GATA4: variants seen among roughly 807,000 people sequenced by gnomAD.
The protein encoded by GATA4 is GATA binding protein 4, also known as transcription factor GATA-4.
Under a neutral mutation model 37.9 loss-of-function variants are expected in GATA4, and 7 were observed. That is an observed-to-expected ratio of 0.18 (90% CI 0.11 to 0.35). GATA4 has a LOEUF of 0.35. Ranked by LOEUF, GATA4 falls within the 10% of genes least tolerant of loss-of-function variation. The pLI, the probability that GATA4 is intolerant of heterozygous loss-of-function variation, is 1.00. For missense variants in GATA4, 647 were observed against 653.0 expected (o/e 0.99, Z 0.10); for synonymous variants, 372 against 292.6 (o/e 1.27, Z -2.77).
At chr8:11,745,513 G>T (rs1184954649) in intron 2 of GATA4, among the ~76,000 whole-genome samples, 1 of 151,966 alleles carries the variant, frequency 6.6e-6, no homozygotes, top group Non-Finnish European at 1.5e-5. Context: ...TTGAGCCTAG[G>T]AGGTTGAGGC....
Position 11,709,565 on chromosome 8 carries a change from A to C in GATA4, c.616+637A>C, listed in dbSNP as rs1227030579. On this transcript the variant is annotated intron_variant, in intron 2 of 6. Coordinates refer to ENST00000532059, the MANE Select transcript of GATA4 (RefSeq NM_001308093.3). This position sits in a 1 kb window ranked among gnomAD's most constrained non-coding sequence, Gnocchi z 4.3. ...ACCCGGCCGAGCGCGTGGGCGCATC[A>C]TGCGGGCAGCGGGGGGGGGGGCGCA... Among the ~76,000 whole-genome samples, 2 of 90,140 alleles carry C rather than the reference A, an allele frequency of 2.2e-5. No individual in the cohort carries two copies. Among genetic ancestry groups the C allele is most frequent in the Middle Eastern group, 4.8e-3 (1 of 210 alleles). 59.1% of individuals were successfully genotyped at this position (90,140 alleles called of 152,430 possible). A position where few individuals can be genotyped will look rare whatever the true frequency, so the allele number is the denominator to read the frequency against.
intron 6 of GATA4, 22 bp from the exon 7 acceptor site, chr8:11,758,271 T>A: frequency 1.2e-6 from 2 of 1,613,880 alleles, no homozygotes; most frequent in South Asian, 2.2e-5. Context: ...ATGGGCCTCA[T>A]CGTGTGCTTT....
upstream of GATA4, among the ~76,000 whole-genome samples, chr8:11,701,915 A>G (rs1359201188): frequency 6.6e-6 from 1 of 152,066 alleles, no homozygotes; most frequent in Non-Finnish European, 1.5e-5. Flanking sequence ...GGCTCAGGTA[A>G]TCTGGGGTTC....
At chr8:11,693,118 TCTGTTAACGA>T (rs915650703) in intron 1 of GATA4, 2 of 966,060 alleles carry the variant, frequency 2.1e-6, no homozygotes, top group African/African-American at 3.5e-5. Context: ...AATCCCAGTG[TCTGTTAACGA>T]TGTGGTGTTC....
chr8:11,680,641 G>T (rs1424039710), intron 1 of GATA4: 1 of 985,288 alleles, frequency 1.0e-6, no homozygotes, highest in African/African-American at 1.7e-5. Context: ...GCCTGGCGCT[G>T]CTGGGAACGT....
At position 11,758,343 on chromosome 8, in the gene GATA4, C is replaced by T. The variant is rs778818575; in HGVS notation, c.1200C>T (p.Val400=). 1 of 1,614,220 alleles carries T rather than the reference C, an allele frequency of 6.2e-7. No individual in the cohort carries two copies. Among genetic ancestry groups the T allele is most frequent in the African/African-American group, 1.3e-5 (1 of 75,064 alleles). The change falls in exon 7 of 7, where the codon GTC becomes GTT. Residue 400 remains valine (V), a synonymous_variant. Transcript: ENST00000532059. ...MSGHGPSIHP[V]LSALKLSPQG... The stretch of plus-strand genomic sequence containing the variant: ...GCCATGGGCCCTCCATCCACCCTGT[C>T]CTCTCGGCCCTGAAGCTCTCCCCAC...
chr8:11,692,545 A>T (rs1369315696), upstream of GATA4: 1 of 985,462 alleles, frequency 1.0e-6, no homozygotes, highest in African/African-American at 1.7e-5. Context: ...ATCTAGATTG[A>T]ATCTGATCCT....
upstream of GATA4, among the ~76,000 whole-genome samples, chr8:11,703,056 G>C (rs1207818033): frequency 6.6e-6 from 1 of 152,160 alleles, no homozygotes; most frequent in African/African-American, 2.4e-5. Context: ...TACGGAAGCG[G>C]GTGGCGTTCC....
chr8:11,758,582 C>A lies in GATA4; in HGVS notation c.*107C>A. Reference sequence around the variant, plus strand: ...GCCGGCCTCCTCTGCCTGGTAATGACTCCAGAACAACAACTGGGAAGAAAC... The same window carrying A: ...GCCGGCCTCCTCTGCCTGGTAATGAATCCAGAACAACAACTGGGAAGAAAC... On this transcript the variant is annotated 3_prime_UTR_variant, in exon 7 of 7. Transcript: ENST00000532059. 1 of 1,066,548 alleles carries A rather than the reference C, an allele frequency of 9.4e-7. No homozygotes were observed. The highest frequency in any genetic ancestry group is 1.4e-6 in the Non-Finnish European group (1 of 692,282). 66.1% of individuals were successfully genotyped at this position (1,066,548 alleles called of 1,614,324 possible).
chr8:11,693,560 C>CAGAGAGAGAGAGAGAGAGAGAG (rs1285850308), intron 1 of GATA4, among the ~76,000 whole-genome samples: 1 of 68,822 alleles, frequency 1.5e-5, no homozygotes, highest in Non-Finnish European at 3.1e-5. Flanking sequence ...CACACACACA[C>CAGAGAGAGAGAGAGAGAGAGAG]ACAGAGAGAG....
At chr8:11,755,165 G>A (rs1802493194) in intron 5 of GATA4, 32 bp downstream of exon 5, 2 of 1,553,260 alleles carry the variant, frequency 1.3e-6, no homozygotes, top group African/African-American at 1.4e-5. Context: ...GATTATATGA[G>A]TACATCAGGA....
chr8:11,688,830 C>T (rs78645806), upstream of GATA4, among the ~76,000 whole-genome samples: 3,594 of 152,286 alleles, frequency 0.024, 90 homozygotes, highest in East Asian at 0.11. Flanking sequence ...CCCAAATCCC[C>T]TGAAGCACAA....
intron 2 of GATA4, among the ~76,000 whole-genome samples, chr8:11,747,239 T>C (rs1162303252): frequency 6.6e-6 from 1 of 152,184 alleles, no homozygotes; most frequent in Non-Finnish European, 1.5e-5. Flanking sequence ...GAGAGACTTC[T>C]GGAGATGGTG....
intron 2 of GATA4, among the ~76,000 whole-genome samples, chr8:11,748,173 G>C (rs893180185): frequency 6.6e-6 from 1 of 152,178 alleles, no homozygotes; most frequent in African/African-American, 2.4e-5. Context: ...AGCTGAGATC[G>C]CACCATTGCA....
At chr8:11,681,191 C>G in intron 1 of GATA4, 1 of 985,408 alleles carries the variant, frequency 1.0e-6, no homozygotes, top group Non-Finnish European at 1.2e-6. Flanking sequence ...GTCACAGGCC[C>G]TGGCCCGCGC....
intron 2 of GATA4, among the ~76,000 whole-genome samples, chr8:11,713,012 G>A (rs1471972879): frequency 6.6e-6 from 1 of 152,022 alleles, no homozygotes; most frequent in Non-Finnish European, 1.5e-5. Flanking sequence ...CCTTAACTCA[G>A]AAACTGTTTT....
In GATA4 at chr8:11,682,467, A is replaced by C. The variant is rs534100412; in HGVS notation, c.-274+5404A>C. On this transcript the variant is annotated intron_variant, in intron 1 of 6. Coordinates refer to the GATA4 transcript ENST00000528712. Reference sequence around the variant, plus strand: ...TGTTTTAGGTAGAATTTGTTGTTAGATCATACATGAGAATTTTATTTCATA... The same window carrying C: ...TGTTTTAGGTAGAATTTGTTGTTAGCTCATACATGAGAATTTTATTTCATA... 3.9e-5 allele frequency among the ~76,000 whole-genome samples: 6 copies of C among 152,366 alleles called. No homozygotes were observed. In the East Asian group the frequency reaches 1.2e-3, roughly 29 times the overall value.
chr8:11,713,452 A>C (rs1282078679), intron 2 of GATA4, among the ~76,000 whole-genome samples: 2 of 152,176 alleles, frequency 1.3e-5, no homozygotes, highest in East Asian at 3.9e-4. Context: ...GTCCAACCAC[A>C]CAGAATGGCT....
chr8:11,724,644 C>A (rs534575809), intron 2 of GATA4, among the ~76,000 whole-genome samples: 29 of 152,320 alleles, frequency 1.9e-4, no homozygotes, highest in African/African-American at 6.7e-4. Context: ...CTGTGGGCTC[C>A]TCATCACCTT....
Sources: allele counts gnomAD v4.1 joint callset (sites outside exome capture counted in the v4.1 genomes callset), GRCh38; gene constraint gnomAD v4.1.1; non-coding constraint Gnocchi (gnomAD v3.1); transcripts MANE v1.5; gene names NCBI Gene and HGNC (gene_info 2026-07-23, HGNC 2026-07-21).